Variants in ARHGEF1 observed in about 807,000 individuals in gnomAD.
The protein encoded by ARHGEF1 is Rho guanine nucleotide exchange factor 1.
A neutral mutation model predicts 119.7 loss-of-function variants in ARHGEF1; 40 were observed. That is an observed-to-expected ratio of 0.33 (90% CI 0.26 to 0.44). ARHGEF1 has a LOEUF of 0.44. ARHGEF1 is among the 20% of genes least tolerant of loss of function. ARHGEF1 has a pLI of 1.00. For missense variants in ARHGEF1, 976 were observed against 1,268.3 expected, an observed-to-expected ratio of 0.77 and a Z score of 3.50; for synonymous variants, 494 against 521.0, an observed-to-expected ratio of 0.95 and a Z score of 0.71.
intron 1 of ARHGEF1, among the ~76,000 whole-genome samples, chr19:41,924,138 A>G (rs2074858536): frequency 6.6e-6 from 1 of 151,340 alleles, no homozygotes; most frequent in African/African-American, 2.4e-5. Flanking sequence ...GTGAGCCTGG[A>G]GAGTAGGGGA....
chr19:41,921,978 C>T (rs1347802103), upstream of ARHGEF1, among the ~76,000 whole-genome samples: 3 of 151,860 alleles, frequency 2.0e-5, no homozygotes, highest in African/African-American at 7.3e-5. The surrounding 1 kb of genome is among the most constrained non-coding windows in gnomAD (Gnocchi z 4.4). Flanking sequence ...CACCCCTTCC[C>T]CACCCTTGCC....
chr19:41,902,808 C>T lies in ARHGEF1; in HGVS notation c.1648C>T (p.Arg550Cys), dbSNP rs1361612725. ...GGAAGCTGAGAGCCGCCCGCGGTGC[C>T]GCCGCCTGCAGCTGAAGGACATGAT... Reference protein sequence around the residue: ...VQEAESRPRCRRLQLKDMIPT... With the variant: ...VQEAESRPRCCRLQLKDMIPT... Residue 550 changes from arginine (R) to cysteine (C), a missense_variant, in exon 18 of 29, where the codon CGC becomes TGC. This residue lies in a region of ARHGEF1 where 286 missense variants were observed against 506.8 expected (regional missense o/e 0.56). Coordinates refer to ENST00000354532, the MANE Select transcript of ARHGEF1 (RefSeq NM_004706.4). This position sits in a 1 kb window ranked among gnomAD's most constrained non-coding sequence, Gnocchi z 6.5. 1.9e-6 allele frequency: 3 copies of T among 1,612,930 alleles called. No individual in the cohort carries two copies. Among genetic ancestry groups the T allele is most frequent in the Admixed American group, 1.7e-5 (1 of 59,962 alleles).
In ARHGEF1 at chr19:41,903,935, G is replaced by A; in HGVS notation, c.1918-100G>A. ...CCTCATGCCAATCCCATGATCCCCA[G>A]CCTGTGGTCATCCCCGGCCACTGCC... On this transcript the variant is annotated intron_variant, in intron 20 of 28. Transcript: ENST00000354532. This position sits in a 1 kb window ranked among gnomAD's most constrained non-coding sequence, Gnocchi z 4.2. 1 of 1,395,060 alleles carries A rather than the reference G, an allele frequency of 7.2e-7. No individual in the cohort carries two copies. The highest frequency in any genetic ancestry group is 1.8e-5 in the Admixed American group (1 of 54,742). The allele number at this position is 1,395,060 out of a possible 1,614,324, so 86.4% of individuals were successfully genotyped here. A position where few individuals can be genotyped will look rare whatever the true frequency, so the allele number is the denominator to read the frequency against.
chr19:41,902,990 C>A lies in ARHGEF1; in HGVS notation c.1738+92C>A. 1.9e-6 allele frequency: 2 copies of A among 1,066,890 alleles called. No individual in the cohort carries two copies. The highest frequency in any genetic ancestry group is 2.7e-6 in the Non-Finnish European group (2 of 754,570). The allele number at this position is 1,066,890 out of a possible 1,614,324, so 66.1% of individuals were successfully genotyped here. On this transcript the variant is annotated intron_variant, in intron 18 of 28. Coordinates refer to ENST00000354532, the MANE Select transcript of ARHGEF1 (RefSeq NM_004706.4). This position sits in a 1 kb window ranked among gnomAD's most constrained non-coding sequence, Gnocchi z 6.5. ...ATTTTCATCAGTGATACCATCACAG[C>A]TCACTGCAGCCTCAACCTCCCAGGA...
chr19:41,905,498 T>TGTGTGCATGCGTGTGACAGC lies in ARHGEF1; in HGVS notation c.2336+238_2337-242dup, dbSNP rs1161879576. 4 of 612,580 alleles carry TGTGTGCATGCGTGTGACAGC rather than the reference T, an allele frequency of 6.5e-6. No individual in the cohort carries two copies. In the African/African-American group the frequency reaches 7.4e-5, roughly 11 times the overall value. The allele number at this position is 612,580 out of a possible 1,614,324, so 37.9% of individuals were successfully genotyped here. ...CGTGTATGGTGTGTGTGTATGCATA[T>TGTGTGCATGCGTGTGACAGC]GTGTGCATGCGTGTGACAGCATGTG... On this transcript the variant is annotated intron_variant, in intron 24 of 28. Coordinates refer to ENST00000354532, the MANE Select transcript of ARHGEF1 (RefSeq NM_004706.4). The surrounding 1 kb of genome is among the most constrained non-coding windows in gnomAD (Gnocchi z 6.4).
intron 14 of ARHGEF1, chr19:41,900,790 T>G (rs996474657): frequency 2.1e-4 from 22 of 105,750 alleles, no homozygotes; most frequent in Non-Finnish European, 4.6e-5. Context: ...TCACTGGTTT[T>G]TTTTTTTTTT....
exon 3 of ARHGEF1, chr19:41,929,661 C>T (rs2074893743): frequency 1.3e-5 from 2 of 152,544 alleles, no homozygotes; most frequent in East Asian, 1.9e-4. Context: ...CCAGGTCAGG[C>T]TCCGCCCCGC....
downstream of ARHGEF1, chr19:41,908,158 C>G (rs138350404): frequency 0.029 from 33,833 of 1,180,688 alleles, 539 homozygotes; most frequent in Non-Finnish European, 0.033. The surrounding 1 kb of genome is among the most constrained non-coding windows in gnomAD (Gnocchi z 6.7). Context: ...GGGCCTTGGG[C>G]CAGGCATCAA....
chr19:41,901,519 G>A (rs1555849013), intron 14 of ARHGEF1, among the ~76,000 whole-genome samples: 2 of 152,184 alleles, frequency 1.3e-5, no homozygotes, highest in Non-Finnish European at 2.9e-5. Flanking sequence ...ATAGCTCACT[G>A]CAGCCTCAAC....
At position 41,907,285 on chromosome 19, in the gene ARHGEF1, C is replaced by T. The variant is rs2074717908; in HGVS notation, c.*198C>T. On this transcript the variant is annotated 3_prime_UTR_variant, in exon 29 of 29. Coordinates refer to ENST00000354532, the MANE Select transcript of ARHGEF1 (RefSeq NM_004706.4). ...GCCTCGGCCATCTCTCCCTCCTGCCCTCTGCTTGGGGGACTCAGGGCTCCA... is the reference window on the plus strand; with the variant it reads ...GCCTCGGCCATCTCTCCCTCCTGCCTTCTGCTTGGGGGACTCAGGGCTCCA... 1 of 1,530,810 alleles carries T rather than the reference C, an allele frequency of 6.5e-7. No individual in the cohort carries two copies. The allele number at this position is 1,530,810 out of a possible 1,614,324, so 94.8% of individuals were successfully genotyped here. A position where few individuals can be genotyped will look rare whatever the true frequency, so the allele number is the denominator to read the frequency against.
rs2074333867 is a variant in ARHGEF1 at position 41,888,847 on chromosome 19, G to A, written c.207G>A (p.Gln69=). 8 of 1,610,832 alleles carry A rather than the reference G, an allele frequency of 5.0e-6. No individual in the cohort carries two copies. The highest frequency in any genetic ancestry group is 6.8e-6 in the Non-Finnish European group (8 of 1,178,314). The change falls in exon 4 of 29, where the codon CAG becomes CAA. Residue 69 remains glutamine (Q), a synonymous_variant. Coordinates refer to ENST00000354532, the MANE Select transcript of ARHGEF1 (RefSeq NM_004706.4). The surrounding 1 kb of genome is among the most constrained non-coding windows in gnomAD (Gnocchi z 5.1). The part of the protein sequence containing the change: ...LMALLQHVAL[Q]FEPGPLLCCL... ...CCCTCCTGCAGCACGTGGCCCTGCA[G>A]TTTGAGCCAGGACCCCTGGTGAGGG... is the stretch of plus-strand genomic sequence containing the variant.
chr19:41,921,339 G>A (rs1434322043), upstream of ARHGEF1, among the ~76,000 whole-genome samples: 1 of 152,162 alleles, frequency 6.6e-6, no homozygotes, highest in African/African-American at 2.4e-5. The surrounding 1 kb of genome is among the most constrained non-coding windows in gnomAD (Gnocchi z 4.4). Context: ...AGAGGAAGCA[G>A]GAGTGAGACA....
chr19:41,898,146 A>C, intron 13 of ARHGEF1: 1 of 1,404,704 alleles, frequency 7.1e-7, no homozygotes, highest in Non-Finnish European at 9.2e-7. Flanking sequence ...CCCATCCACT[A>C]AGGCAGCCTG....
chr19:41,913,324 C>A (rs2074765852), intron 18 of ARHGEF1, among the ~76,000 whole-genome samples: 1 of 151,550 alleles, frequency 6.6e-6, no homozygotes, highest in African/African-American at 2.4e-5. Flanking sequence ...CCCGTCCCCG[C>A]TCTCCCGCCT....
rs782090661 is a variant in ARHGEF1, at chr19:41,888,193, C to G, written c.26C>G (p.Ala9Gly). 2 of 1,613,946 alleles carry G rather than the reference C, an allele frequency of 1.2e-6. No individual in the cohort carries two copies. Among genetic ancestry groups the G allele is most frequent in the African/African-American group, 2.7e-5 (2 of 74,908 alleles). MEDFARGA[A>G]SPGPSRPGLV... ...TGAAGCTGCCCTCCCTTTCCACAGG[C>G]CTCCCCAGGCCCCTCCCGGCCTGGC... The change falls in exon 3 of 29, where the codon GCC becomes GGC. Residue 9 changes from alanine (A) to glycine (G), a missense_variant and splice_region_variant. Physicochemically the swap from Ala to Gly is moderately conservative, Grantham distance 60. Coordinates refer to ENST00000354532, the MANE Select transcript of ARHGEF1 (RefSeq NM_004706.4). This position sits in a 1 kb window ranked among gnomAD's most constrained non-coding sequence, Gnocchi z 5.1.
chr19:41,892,600 C>T lies in ARHGEF1; in HGVS notation c.368-3C>T. 1.3e-6 allele frequency: 2 copies of T among 1,580,028 alleles called. No individual in the cohort carries two copies. Among genetic ancestry groups the T allele is most frequent in the Non-Finnish European group, 1.7e-6 (2 of 1,158,060 alleles). The stretch of plus-strand genomic sequence containing the variant: ...ACCCTAGCCCCCATGTGTGTCCCTG[C>T]AGACCGCACTAGGGCTGACCTCATC... On this transcript the variant is annotated splice_polypyrimidine_tract_variant and splice_region_variant and intron_variant, in intron 6 of 28. Coordinates refer to ENST00000354532, the MANE Select transcript of ARHGEF1 (RefSeq NM_004706.4). This position sits in a 1 kb window ranked among gnomAD's most constrained non-coding sequence, Gnocchi z 6.3.
rs375046295 is a variant in ARHGEF1 at position 41,905,268 on chromosome 19, G to T, written c.2336+7G>T. On this transcript the variant is annotated splice_region_variant and intron_variant, in intron 24 of 28. Coordinates refer to ENST00000354532, the MANE Select transcript of ARHGEF1 (RefSeq NM_004706.4). This position sits in a 1 kb window ranked among gnomAD's most constrained non-coding sequence, Gnocchi z 6.4. Reference sequence around the variant, plus strand: ...CCCGGCCCAGCCCGAGCAGGTGAGGGGGGCCATGGAGAGAGCTGGAGGTTC... The same window carrying T: ...CCCGGCCCAGCCCGAGCAGGTGAGGTGGGCCATGGAGAGAGCTGGAGGTTC... The T allele has an allele frequency of 6.2e-7, 1 of 1,611,184 alleles. No individual in the cohort carries two copies. Among genetic ancestry groups the T allele is most frequent in the South Asian group, 1.1e-5 (1 of 90,766 alleles).
At position 41,905,681 on chromosome 19, in the gene ARHGEF1, C is replaced by T; in HGVS notation, c.2337-79C>T. The T allele has an allele frequency of 6.7e-7, 1 of 1,492,786 alleles. No individual in the cohort carries two copies. The highest frequency in any genetic ancestry group is 1.4e-5 in the African/African-American group (1 of 72,386). The allele number at this position is 1,492,786 out of a possible 1,614,324, so 92.5% of individuals were successfully genotyped here. On this transcript the variant is annotated intron_variant, in intron 24 of 28. Coordinates refer to ENST00000354532, the MANE Select transcript of ARHGEF1 (RefSeq NM_004706.4). This position sits in a 1 kb window ranked among gnomAD's most constrained non-coding sequence, Gnocchi z 6.4. The stretch of plus-strand genomic sequence containing the variant: ...GTCTCCGGACCTCCCTGCCTCCCCA[C>T]CTCCAGCTCTCTGTCTCCCTGCCCC...
At chr19:41,918,154 G>A (rs1384086392), upstream of ARHGEF1, among the ~76,000 whole-genome samples, 1 of 151,782 alleles carries the variant, frequency 6.6e-6, no homozygotes, top group Non-Finnish European at 1.5e-5. Context: ...GCCTGACCCT[G>A]GTTGGGGGTG....
Sources: allele counts gnomAD v4.1 joint callset (sites outside exome capture counted in the v4.1 genomes callset), GRCh38; gene constraint gnomAD v4.1.1; regional missense constraint gnomAD v4.1.1; non-coding constraint Gnocchi (gnomAD v3.1); transcripts MANE v1.5; gene names NCBI Gene and HGNC (gene_info 2026-07-23, HGNC 2026-07-21).